The following CSNK1G3 variants were observed in gnomAD, a reference collection of about 807,000 sequenced individuals.
CSNK1G3 encodes casein kinase I isoform gamma-3.
Under a neutral mutation model 64.3 loss-of-function variants are expected in CSNK1G3, and 23 were observed. The ratio of observed to expected loss-of-function variants is 0.36; its 90% CI spans 0.26 to 0.51. The LOEUF (loss-of-function observed/expected upper bound fraction) is 0.51, where lower values mean the gene tolerates loss of function less well. Ranked by LOEUF, CSNK1G3 falls within the 20% of genes least tolerant of loss-of-function variation. The pLI, the probability that CSNK1G3 is intolerant of heterozygous loss-of-function variation, is 0.96. For missense variants in CSNK1G3, 357 were observed against 510.5 expected, an observed-to-expected ratio of 0.70 and a Z score of 2.90; for synonymous variants, 158 against 162.2, an observed-to-expected ratio of 0.97 and a Z score of 0.20.
At chr5:123,552,759 T>C (rs1374737610) in intron 2 of CSNK1G3, among the ~76,000 whole-genome samples, 2 of 152,180 alleles carry the variant, frequency 1.3e-5, no homozygotes, top group Non-Finnish European at 2.9e-5. Context: ...ATTCTTATTC[T>C]TATATAGGAG....
chr5:123,615,243 C>G (rs1749262591), exon 13 of CSNK1G3: 1 of 152,580 alleles, frequency 6.6e-6, no homozygotes, highest in South Asian at 2.1e-4. Context: ...AAGAAATACA[C>G]TAAGGAGAGG....
chr5:123,529,279 C>CAG (rs1331664518), intron 1 of CSNK1G3, among the ~76,000 whole-genome samples: 4 of 152,098 alleles, frequency 2.6e-5, no homozygotes, highest in African/African-American at 9.7e-5. Flanking sequence ...ATCTTGTGAC[C>CAG]AGAGGCTGGC....
At chr5:123,571,065 A>G (rs978312161) in intron 4 of CSNK1G3, among the ~76,000 whole-genome samples, 5 of 152,132 alleles carry the variant, frequency 3.3e-5, no homozygotes, top group African/African-American at 1.2e-4. Flanking sequence ...GATATGACAA[A>G]TACATCTAAG....
chr5:123,560,963 A>C (rs910525613), intron 4 of CSNK1G3, among the ~76,000 whole-genome samples: 1 of 152,174 alleles, frequency 6.6e-6, no homozygotes, highest in African/African-American at 2.4e-5. Flanking sequence ...AGATGGTTTA[A>C]ATGACAAATT....
intron 1 of CSNK1G3, among the ~76,000 whole-genome samples, chr5:123,517,175 C>A (rs966017565): frequency 6.6e-6 from 1 of 152,196 alleles, no homozygotes; most frequent in African/African-American, 2.4e-5. Flanking sequence ...TACCTGACCT[C>A]TGCTTAACCC....
intron 10 of CSNK1G3, among the ~76,000 whole-genome samples, chr5:123,599,378 C>T (rs181326545): frequency 7.4e-4 from 112 of 152,216 alleles, no homozygotes; most frequent in Non-Finnish European, 7.1e-4. Flanking sequence ...TGTTGTGCAA[C>T]CAGGCATTGT....
intron 12 of CSNK1G3, 115 bp from the exon 14 acceptor site, chr5:123,614,227 T>A (rs2063037853): frequency 1.1e-6 from 1 of 871,448 alleles, no homozygotes; most frequent in Non-Finnish European, 1.8e-6. Context: ...GTGTAATCAC[T>A]GTTTATCTTG....
At chr5:123,529,017 C>T (rs573502599) in intron 1 of CSNK1G3, among the ~76,000 whole-genome samples, 17 of 152,186 alleles carry the variant, frequency 1.1e-4, no homozygotes, top group Non-Finnish European at 2.1e-4. Context: ...TAACTTTTTC[C>T]TGGTGATTTC....
chr5:123,593,408 A>G (rs923364503), intron 10 of CSNK1G3, among the ~76,000 whole-genome samples: 1 of 152,080 alleles, frequency 6.6e-6, no homozygotes, highest in Non-Finnish European at 1.5e-5. Context: ...TCCCAGAGGA[A>G]GATAGATTAT....
At chr5:123,539,408 T>C (rs1342469288) in intron 1 of CSNK1G3, among the ~76,000 whole-genome samples, 1 of 146,942 alleles carries the variant, frequency 6.8e-6, no homozygotes, top group Non-Finnish European at 1.5e-5. Flanking sequence ...ATTGTGTTAA[T>C]GCACTCCAGC....
intron 1 of CSNK1G3, among the ~76,000 whole-genome samples, chr5:123,525,456 G>A (rs568022012): frequency 3.9e-5 from 6 of 152,024 alleles, no homozygotes; most frequent in South Asian, 2.1e-4. Flanking sequence ...GATTATAGGC[G>A]TGTGCCACCA....
chr5:123,603,932 G>C (rs1369273936), intron 10 of CSNK1G3, among the ~76,000 whole-genome samples: 1 of 152,152 alleles, frequency 6.6e-6, no homozygotes, highest in Non-Finnish European at 1.5e-5. Flanking sequence ...AACAGTTGGA[G>C]AGTTTTAAGC....
rs188427942 is a variant in CSNK1G3 at position 123,564,719 on chromosome 5, A to G, written c.289+7155A>G. Among the ~76,000 whole-genome samples, 550 of 152,294 alleles carry G rather than the reference A, an allele frequency of 3.6e-3. 2 individuals carry two copies. The highest frequency in any genetic ancestry group is 4.7e-3 in the Non-Finnish European group (319 of 68,014). ...ATGTGTAAATTAAATCATCACAGAA[A>G]GGACTGTTGCTCTTTTTTACAGTAG... On this transcript the variant is annotated intron_variant, in intron 4 of 12. Transcript: ENST00000345990.
chr5:123,559,741 A>G (rs1785321143), intron 4 of CSNK1G3, among the ~76,000 whole-genome samples: 1 of 150,294 alleles, frequency 6.7e-6, no homozygotes, highest in Non-Finnish European at 1.5e-5. Flanking sequence ...GTTTTGTGAA[A>G]GCATTTTTAA....
At chr5:123,593,200 T>TACAC (rs775669511) in intron 10 of CSNK1G3, among the ~76,000 whole-genome samples, 126 of 91,822 alleles carry the variant, frequency 1.4e-3, no homozygotes, top group African/African-American at 2.9e-3. Flanking sequence ...TGTGTGTATA[T>TACAC]ATACACACAC....
intron 6 of CSNK1G3, among the ~76,000 whole-genome samples, chr5:123,576,856 C>T (rs1270379975): frequency 1.3e-5 from 2 of 151,950 alleles, no homozygotes; most frequent in Admixed American, 1.3e-4. Context: ...GATTTTTGCC[C>T]TCTAGATTTA....
At chr5:123,513,522 T>G (rs1459293146) in intron 1 of CSNK1G3, among the ~76,000 whole-genome samples, 1 of 152,206 alleles carries the variant, frequency 6.6e-6, no homozygotes, top group Non-Finnish European at 1.5e-5. Flanking sequence ...AGTGGCTCCT[T>G]TTAAATCTTC....
intron 3 of CSNK1G3, among the ~76,000 whole-genome samples, chr5:123,555,231 A>G (rs904929164): frequency 1.3e-5 from 2 of 152,202 alleles, no homozygotes; most frequent in African/African-American, 4.8e-5. Flanking sequence ...CTATGTCTCT[A>G]GTATTTTGAG....
intron 1 of CSNK1G3, among the ~76,000 whole-genome samples, chr5:123,540,847 G>A (rs903260251): frequency 3.9e-5 from 6 of 152,016 alleles, no homozygotes; most frequent in Admixed American, 6.6e-5. Context: ...GGCTGGTCTC[G>A]AACTTCTGAC....
Sources: allele counts gnomAD v4.1 joint callset (sites outside exome capture counted in the v4.1 genomes callset), GRCh38; gene constraint gnomAD v4.1.1; transcripts MANE v1.5; gene names NCBI Gene and HGNC (gene_info 2026-07-23, HGNC 2026-07-21).